Variants in PEX14 observed in about 807,000 individuals in gnomAD.
PEX14 encodes peroxisomal membrane protein PEX14.
In PEX14, 15 loss-of-function variants were observed where a neutral mutation model predicts 49.5. The observed-to-expected ratio is 0.30, with a 90% CI of 0.20 to 0.47. PEX14 has a LOEUF of 0.47. PEX14 is among the 20% of genes least tolerant of loss of function. The pLI is 1.00. For missense variants in PEX14, 398 were observed against 494.8 expected (o/e 0.80, Z 1.86); for synonymous variants, 210 against 212.7 (o/e 0.99, Z 0.11).
rs558347765 is a variant in PEX14, at chr1:10,495,481, G to A, written c.84+160G>A. 6.6e-6 allele frequency among the ~76,000 whole-genome samples: 1 copy of A among 152,238 alleles called. No homozygotes were observed. The highest frequency in any genetic ancestry group is 1.9e-4 in the East Asian group (1 of 5,188). ...TCAGTGACCTCTGACTTCTCTTCTC[G>A]CGTGTGGGGACGAGTGAGATCTCTC... On this transcript the variant is annotated intron_variant, in intron 2 of 8. Coordinates refer to ENST00000356607, the MANE Select transcript of PEX14 (RefSeq NM_004565.3). The surrounding 1 kb of genome is among the most constrained non-coding windows in gnomAD (Gnocchi z 4.2).
At chr1:10,537,445 T>C (rs751533333) in intron 3 of PEX14, among the ~76,000 whole-genome samples, 1 of 149,582 alleles carries the variant, frequency 6.7e-6, no homozygotes, top group Non-Finnish European at 1.5e-5. Flanking sequence ...TTCCTTGAAA[T>C]ATGTGTACCT....
intron 4 of PEX14, among the ~76,000 whole-genome samples, chr1:10,615,187 G>C (rs1641378546): frequency 6.6e-6 from 1 of 152,160 alleles, no homozygotes; most frequent in African/African-American, 2.4e-5. Context: ...TAAAAGAATA[G>C]ATTGATAAAT....
rs1641933572 is a variant in PEX14 at position 10,514,186 on chromosome 1, G to C, written c.84+18865G>C. On this transcript the variant is annotated intron_variant, in intron 2 of 8. Coordinates refer to ENST00000356607, the MANE Select transcript of PEX14 (RefSeq NM_004565.3). This position sits in a 1 kb window ranked among gnomAD's most constrained non-coding sequence, Gnocchi z 4.4. ...TGTGTGTGTGTGTGTGTGTGTGTGT[G>C]TGTGTGTGTGTGTATGGTGTTAGAA... 6.6e-6 allele frequency among the ~76,000 whole-genome samples: 1 copy of C among 151,808 alleles called. No individual in the cohort carries two copies. The highest frequency in any genetic ancestry group is 6.6e-5 in the Admixed American group (1 of 15,236).
At chr1:10,490,201 CT>C (rs1178545455) in intron 1 of PEX14, among the ~76,000 whole-genome samples, 1 of 152,220 alleles carries the variant, frequency 6.6e-6, no homozygotes, top group Non-Finnish European at 1.5e-5. Flanking sequence ...TGTCATGCCA[CT>C]GCATCTCAAA....
At position 10,535,899 on chromosome 1, in the gene PEX14, A is replaced by C. The variant is rs559203984; in HGVS notation, c.85-314A>C. 1.4e-3 allele frequency: 544 copies of C among 387,040 alleles called. 3 individuals are homozygous for C. Among genetic ancestry groups the C allele is most frequent in the Non-Finnish European group, 2.3e-3 (475 of 202,482 alleles). The allele number at this position is 387,040 out of a possible 1,614,324, so 24.0% of individuals were successfully genotyped here. On this transcript the variant is annotated intron_variant, in intron 2 of 8. Coordinates refer to ENST00000356607, the MANE Select transcript of PEX14 (RefSeq NM_004565.3). Reference sequence around the variant, plus strand: ...CACAAGGGCGGCGACATGGGTGCGCATGGCCACACCTGCCGGGGAGTATGA... The same window carrying C: ...CACAAGGGCGGCGACATGGGTGCGCCTGGCCACACCTGCCGGGGAGTATGA...
intron 2 of PEX14, among the ~76,000 whole-genome samples, chr1:10,530,186 G>T (rs1369444840): frequency 6.6e-6 from 1 of 152,098 alleles, no homozygotes; most frequent in Non-Finnish European, 1.5e-5. Context: ...CAGAGAAGGG[G>T]AAAGAGTACA....
intron 3 of PEX14, among the ~76,000 whole-genome samples, chr1:10,559,064 T>A (rs573110669): frequency 6.6e-6 from 1 of 152,342 alleles, no homozygotes; most frequent in South Asian, 2.1e-4. Flanking sequence ...TTGTTTTTGT[T>A]GGTTCTCTTA....
At chr1:10,526,901 G>A (rs933003215) in intron 2 of PEX14, among the ~76,000 whole-genome samples, 1 of 152,036 alleles carries the variant, frequency 6.6e-6, no homozygotes, top group African/African-American at 2.4e-5. Flanking sequence ...ACTTTCTTCT[G>A]TTTTCTGGTG....
chr1:10,554,054 C>T (rs1639410413), intron 3 of PEX14, among the ~76,000 whole-genome samples: 1 of 150,838 alleles, frequency 6.6e-6, no homozygotes, highest in South Asian at 2.1e-4. Context: ...CTTTGGGAGG[C>T]CGAGGTGGGC....
chr1:10,534,465 T>G (rs1182050047), intron 2 of PEX14, among the ~76,000 whole-genome samples: 1 of 152,068 alleles, frequency 6.6e-6, no homozygotes, highest in Non-Finnish European at 1.5e-5. Flanking sequence ...ACCCATCCCC[T>G]TTTCTTTTTT....
At chr1:10,562,963 G>A (rs1460455467) in intron 3 of PEX14, among the ~76,000 whole-genome samples, 1 of 149,012 alleles carries the variant, frequency 6.7e-6, no homozygotes, top group African/African-American at 2.5e-5. Flanking sequence ...CCAGGGTGGA[G>A]TGCAATGGCA....
At chr1:10,618,059 C>G (rs1157513754) in intron 4 of PEX14, among the ~76,000 whole-genome samples, 1 of 152,236 alleles carries the variant, frequency 6.6e-6, no homozygotes, top group Admixed American at 6.5e-5. Flanking sequence ...ACTGCCAACT[C>G]AGGTCTCAGC....
intron 3 of PEX14, among the ~76,000 whole-genome samples, chr1:10,537,321 A>C (rs1570230363): frequency 1.8e-5 from 2 of 109,298 alleles, no homozygotes; most frequent in African/African-American, 3.5e-5. Flanking sequence ...ACGGCTGCTC[A>C]CTGGCTGCAT....
chr1:10,599,079 C>T (rs1640907281), intron 3 of PEX14, among the ~76,000 whole-genome samples, 159 bp from the exon 4 acceptor site: 1 of 152,156 alleles, frequency 6.6e-6, no homozygotes, highest in Non-Finnish European at 1.5e-5. Context: ...GGTTAAATTG[C>T]AACTGAGAGA....
intron 4 of PEX14, among the ~76,000 whole-genome samples, chr1:10,604,484 G>A (rs115277413): frequency 0.02 from 2,979 of 152,180 alleles, 32 homozygotes; most frequent in Non-Finnish European, 0.031. Context: ...AACTAGCCAG[G>A]CATGGTGGTG....
chr1:10,568,623 G>GT (rs1639883173), intron 3 of PEX14, among the ~76,000 whole-genome samples: 1 of 152,040 alleles, frequency 6.6e-6, no homozygotes, highest in South Asian at 2.1e-4. Context: ...CAGAATAGCC[G>GT]TAAGTATGTG....
At chr1:10,570,865 TGAGATGG>T (rs1639953525) in intron 3 of PEX14, among the ~76,000 whole-genome samples, 3 of 147,712 alleles carry the variant, frequency 2.0e-5, no homozygotes, top group African/African-American at 2.5e-5. Context: ...TTTTTTTTTT[TGAGATGG>T]TATCTTACTC....
At chr1:10,501,918 A>G (rs1433234620) in intron 2 of PEX14, among the ~76,000 whole-genome samples, 1 of 149,968 alleles carries the variant, frequency 6.7e-6, no homozygotes, top group Non-Finnish European at 1.5e-5. Context: ...CTCAAAACCC[A>G]CCCCCCTGCC....
At position 10,629,232 on chromosome 1, in the gene PEX14, C is replaced by T. The variant is rs1470736341; in HGVS notation, c.678-299C>T. Among the ~76,000 whole-genome samples the T allele has an allele frequency of 6.6e-6, 1 of 152,256 alleles. No individual in the cohort carries two copies. Among genetic ancestry groups the T allele is most frequent in the Non-Finnish European group, 1.5e-5 (1 of 68,046 alleles). ...CAGAAGGAAGCAGGCTCCCGCATGG[C>T]AGGCAGGCCCCACTTGGCTTCCAGC... On this transcript the variant is annotated intron_variant, in intron 8 of 8. Coordinates refer to ENST00000356607, the MANE Select transcript of PEX14 (RefSeq NM_004565.3). This position sits in a 1 kb window ranked among gnomAD's most constrained non-coding sequence, Gnocchi z 8.5.
Sources: allele counts gnomAD v4.1 joint callset (sites outside exome capture counted in the v4.1 genomes callset), GRCh38; gene constraint gnomAD v4.1.1; non-coding constraint Gnocchi (gnomAD v3.1); transcripts MANE v1.5; gene names NCBI Gene and HGNC (gene_info 2026-07-23, HGNC 2026-07-21).